The following LYSMD2 variants were observed in gnomAD, a reference collection of about 807,000 sequenced individuals.
The protein encoded by LYSMD2 is LysM domain containing 2, also known as lysM and putative peptidoglycan-binding domain-containing protein 2.
LYSMD2 carries 6 observed loss-of-function variants against 17.7 expected under a neutral mutation model. That is an observed-to-expected ratio of 0.34 (90% CI 0.19 to 0.67). The LOEUF is 0.67. LYSMD2 is among the 30% of genes least tolerant of loss of function. The pLI, the probability that LYSMD2 is intolerant of heterozygous loss-of-function variation, is 0.69. For missense variants in LYSMD2, 237 were observed against 286.7 expected, an observed-to-expected ratio of 0.83 and a Z score of 1.25; for synonymous variants, 102 against 129.8, an observed-to-expected ratio of 0.79 and a Z score of 1.45.
chr15:51,731,587 T>C (rs2055577333), intron 1 of LYSMD2, among the ~76,000 whole-genome samples: 1 of 152,136 alleles, frequency 6.6e-6, no homozygotes. Flanking sequence ...AGGAAGTAAC[T>C]GAGGGTACTG....
intron 1 of LYSMD2, among the ~76,000 whole-genome samples, chr15:51,747,738 G>T (rs1310656092): frequency 1.3e-5 from 2 of 151,948 alleles, no homozygotes. Context: ...CCTATATTTT[G>T]GATTTTGCTG....
intron 1 of LYSMD2, among the ~76,000 whole-genome samples, chr15:51,750,924 C>T (rs1298885529): frequency 3.9e-5 from 6 of 152,166 alleles, no homozygotes; most frequent in African/African-American, 1.2e-4. Flanking sequence ...AGGACTTTCC[C>T]GGCCCAAGAA....
chr15:51,747,701 G>C (rs2055675021), intron 1 of LYSMD2, among the ~76,000 whole-genome samples: 1 of 152,102 alleles, frequency 6.6e-6, no homozygotes, highest in South Asian at 2.1e-4. Flanking sequence ...ATTTATTGAA[G>C]AATCAGTTGT....
chr15:51,731,665 A>G (rs1008822372), intron 1 of LYSMD2, among the ~76,000 whole-genome samples: 6 of 152,170 alleles, frequency 3.9e-5, no homozygotes, highest in Non-Finnish European at 8.8e-5. Context: ...AAGAGAAAAA[A>G]GAAAAAGTTT....
intron 1 of LYSMD2, among the ~76,000 whole-genome samples, chr15:51,732,941 G>A (rs566722192): frequency 2.0e-5 from 3 of 152,338 alleles, no homozygotes; most frequent in South Asian, 2.1e-4. Context: ...CAGAGTGATC[G>A]TTTTAATACA....
chr15:51,737,630 G>T lies in LYSMD2; in HGVS notation c.-8C>A. 8.3e-7 allele frequency: 1 copy of T among 1,205,676 alleles called. No homozygotes were observed. Among genetic ancestry groups the T allele is most frequent in the Non-Finnish European group, 1.0e-6 (1 of 971,384 alleles). 74.7% of individuals were successfully genotyped at this position (1,205,676 alleles called of 1,614,324 possible). A position where few individuals can be genotyped will look rare whatever the true frequency, so the allele number is the denominator to read the frequency against. The stretch of plus-strand genomic sequence containing the variant: ...GGGCGAGGAATCCGCCATGGGTCCT[G>T]CCGAGGCCGCCGGGTCGGGGAGCTT... On this transcript the variant is annotated 5_prime_UTR_variant, in exon 1 of 3. Coordinates refer to ENST00000267838, the MANE Select transcript of LYSMD2 (RefSeq NM_153374.3). This position sits in a 1 kb window ranked among gnomAD's most constrained non-coding sequence, Gnocchi z 4.2.
At chr15:51,738,645 C>T (rs149755432), upstream of LYSMD2, among the ~76,000 whole-genome samples, 41 of 152,220 alleles carry the variant, frequency 2.7e-4, no homozygotes, top group African/African-American at 9.6e-4. Context: ...TTATTTTGGA[C>T]AGCTTTCCAA....
At chr15:51,747,039 A>T (rs1285344859) in intron 1 of LYSMD2, among the ~76,000 whole-genome samples, 1 of 150,376 alleles carries the variant, frequency 6.6e-6, no homozygotes, top group Non-Finnish European at 1.5e-5. Context: ...AAAAAAAAAA[A>T]AAATACGAAA....
At chr15:51,731,987 A>G (rs2055580163) in intron 1 of LYSMD2, among the ~76,000 whole-genome samples, 1 of 152,206 alleles carries the variant, frequency 6.6e-6, no homozygotes. Flanking sequence ...ACCCACCCCA[A>G]GTAGTTTCAG....
At chr15:51,735,513 G>A (rs1413336504) in intron 1 of LYSMD2, among the ~76,000 whole-genome samples, 5 of 152,162 alleles carry the variant, frequency 3.3e-5, no homozygotes, top group Non-Finnish European at 7.3e-5. Flanking sequence ...AACATCAACA[G>A]TGCTGAGGTT....
At chr15:51,745,500 C>A (rs2141603464) in intron 1 of LYSMD2, among the ~76,000 whole-genome samples, 1 of 152,252 alleles carries the variant, frequency 6.6e-6, no homozygotes, top group South Asian at 2.1e-4. Context: ...AAACAACCCA[C>A]AGGACCCTCT....
intron 1 of LYSMD2, among the ~76,000 whole-genome samples, chr15:51,734,834 T>C (rs1016669880): frequency 1.3e-5 from 2 of 152,314 alleles, no homozygotes; most frequent in East Asian, 3.9e-4. Context: ...TTTTCTGCCT[T>C]TTTAGCTTCC....
upstream of LYSMD2, among the ~76,000 whole-genome samples, chr15:51,740,299 TG>T (rs1472415325): frequency 6.6e-6 from 1 of 152,158 alleles, no homozygotes; most frequent in African/African-American, 2.4e-5. Context: ...AAAAAAGAAC[TG>T]AGTTACATGA....
At chr15:51,745,972 G>A (rs1049947603) in intron 1 of LYSMD2, among the ~76,000 whole-genome samples, 3 of 152,190 alleles carry the variant, frequency 2.0e-5, no homozygotes, top group African/African-American at 7.2e-5. Context: ...CAAGGATGTG[G>A]AGAAATTGGA....
rs1010348881 is a variant in LYSMD2 at position 51,749,671 on chromosome 15, T to C, written c.-1+1600A>G. 1.2e-4 allele frequency among the ~76,000 whole-genome samples: 19 copies of C among 152,262 alleles called. 1 individual carries two copies. Among genetic ancestry groups the C allele is most frequent in the African/African-American group, 4.6e-4 (19 of 41,470 alleles). Reference sequence around the variant, plus strand: ...AAATTGCTTTATTATTTTCAGCATATGCCTACTATCAGCTTTCTCTGGGAA... The same window carrying C: ...AAATTGCTTTATTATTTTCAGCATACGCCTACTATCAGCTTTCTCTGGGAA... On this transcript the variant is annotated intron_variant, in intron 1 of 2. Coordinates refer to the LYSMD2 transcript ENST00000454181.
intron 1 of LYSMD2, among the ~76,000 whole-genome samples, chr15:51,749,652 C>T (rs2055686709): frequency 6.6e-6 from 1 of 152,190 alleles, no homozygotes; most frequent in African/African-American, 2.4e-5. Context: ...AATGAAATTG[C>T]TTTATTATTT....
At chr15:51,729,545 T>C (rs1362808392) in intron 1 of LYSMD2, among the ~76,000 whole-genome samples, 1 of 152,182 alleles carries the variant, frequency 6.6e-6, no homozygotes, top group Non-Finnish European at 1.5e-5. Flanking sequence ...TGCAACCTCT[T>C]CCTCCCGGGT....
At chr15:51,741,999 ACTAT>A (rs1243246644), upstream of LYSMD2, among the ~76,000 whole-genome samples, 1 of 150,734 alleles carries the variant, frequency 6.6e-6, no homozygotes, top group Non-Finnish European at 1.5e-5. Context: ...AACTATCACC[ACTAT>A]CTATTTCCGA....
At chr15:51,744,241 C>A (rs897703677) in intron 1 of LYSMD2, among the ~76,000 whole-genome samples, 4 of 152,102 alleles carry the variant, frequency 2.6e-5, no homozygotes, top group African/African-American at 9.7e-5. Context: ...AAGCATCTAG[C>A]TTCTCACCAT....
Sources: allele counts gnomAD v4.1 joint callset (sites outside exome capture counted in the v4.1 genomes callset), GRCh38; gene constraint gnomAD v4.1.1; non-coding constraint Gnocchi (gnomAD v3.1); transcripts MANE v1.5; gene names NCBI Gene and HGNC (gene_info 2026-07-23, HGNC 2026-07-21).